GRM5: variants seen among roughly 807,000 people sequenced by gnomAD.
GRM5 encodes the protein metabotropic glutamate receptor 5.
Under a neutral mutation model 83.1 loss-of-function variants are expected in GRM5, and 19 were observed. That is an observed-to-expected ratio of 0.23 (90% CI 0.16 to 0.34). The LOEUF (loss-of-function observed/expected upper bound fraction) is 0.34. Ranked by LOEUF, GRM5 falls within the 10% of genes least tolerant of loss-of-function variation. The pLI is 1.00. For synonymous variants in GRM5, 675 were observed against 633.6 expected, an observed-to-expected ratio of 1.07 and a Z score of -0.98; for missense variants, 1,160 against 1,588.3, an observed-to-expected ratio of 0.73 and a Z score of 4.58.
At position 88,590,639 on chromosome 11, in the gene GRM5, G is replaced by T. The variant is rs781343825; in HGVS notation, c.1652C>A (p.Ala551Glu). 1.2e-6 allele frequency: 2 copies of T among 1,609,366 alleles called. No homozygotes were observed. ...AGTGGGCCAAGACCCCAGTTGGCAT[G>T]CCTTGCATGTGTACTCATCAAAGAC... is the stretch of plus-strand genomic sequence containing the variant. ...EYVFDEYTCK[A>E]CQLGSWPTDD... The change falls in exon 7 of 10, where the codon GCA becomes GAA. Residue 551 changes from alanine (A) to glutamate (E), a missense_variant. This residue lies in a region of GRM5 where 132 missense variants were observed against 245.5 expected (regional missense o/e 0.54). Coordinates refer to ENST00000305447, the MANE Select transcript of GRM5 (RefSeq NM_001143831.3).
intron 3 of GRM5, among the ~76,000 whole-genome samples, chr11:88,693,382 G>T (rs1348280110): frequency 6.6e-6 from 1 of 152,148 alleles, no homozygotes; most frequent in South Asian, 2.1e-4. Flanking sequence ...TTCTGACTGG[G>T]GGCCTGGGAA....
chr11:88,969,899 C>T (rs151320770), intron 2 of GRM5, among the ~76,000 whole-genome samples: 46 of 152,218 alleles, frequency 3.0e-4, no homozygotes, highest in Admixed American at 1.8e-3. Context: ...TTCCCTTAAA[C>T]ACAATATCCA....
chr11:88,510,898 T>G (rs1941351435), intron 9 of GRM5, among the ~76,000 whole-genome samples: 1 of 152,182 alleles, frequency 6.6e-6, no homozygotes, highest in Non-Finnish European at 1.5e-5. Context: ...GTCTGTTATT[T>G]TCAGTCAAGA....
At chr11:88,710,900 G>C (rs1368602546) in intron 3 of GRM5, among the ~76,000 whole-genome samples, 2 of 152,024 alleles carry the variant, frequency 1.3e-5, no homozygotes, top group African/African-American at 2.4e-5. Context: ...AGACTATACA[G>C]GGTGAGTTGG....
chr11:89,061,981 G>C (rs1450602361), intron 1 of GRM5, among the ~76,000 whole-genome samples: 4 of 152,164 alleles, frequency 2.6e-5, no homozygotes, highest in African/African-American at 7.2e-5. Flanking sequence ...TTTAGGAAGT[G>C]CTATGTACAT....
At chr11:88,654,328 G>C (rs1477668520) in intron 3 of GRM5, among the ~76,000 whole-genome samples, 1 of 152,066 alleles carries the variant, frequency 6.6e-6, no homozygotes, top group Non-Finnish European at 1.5e-5. Context: ...GGCATGAAAA[G>C]ATGTTTGTAT....
chr11:88,767,219 A>G (rs1486969935), intron 3 of GRM5, among the ~76,000 whole-genome samples: 1 of 151,930 alleles, frequency 6.6e-6, no homozygotes, highest in Non-Finnish European at 1.5e-5. Flanking sequence ...GGGAACACAT[A>G]TACACTACTA....
At chr11:88,586,805 C>T (rs1381119358) in intron 7 of GRM5, among the ~76,000 whole-genome samples, 1 of 152,122 alleles carries the variant, frequency 6.6e-6, no homozygotes, top group East Asian at 1.9e-4. Flanking sequence ...CTACCCAGAC[C>T]ACCCACACAC....
At position 88,664,929 on chromosome 11, in the gene GRM5, C is replaced by T. The variant is rs149639177; in HGVS notation, c.912-11526G>A. ...ATCCCCCACAGATACTAAGGAAAGA[C>T]TATATGTATGAAACTGAAGTACATA... On this transcript the variant is annotated intron_variant, in intron 3 of 9. Transcript: ENST00000305447. Among the ~76,000 whole-genome samples the T allele has an allele frequency of 4.0e-3, 616 of 152,254 alleles. 2 individuals are homozygous for T. Among genetic ancestry groups the T allele is most frequent in the Middle Eastern group, 0.02 (6 of 294 alleles).
At chr11:88,535,892 A>G (rs897444838) in intron 8 of GRM5, among the ~76,000 whole-genome samples, 1 of 152,222 alleles carries the variant, frequency 6.6e-6, no homozygotes, top group Non-Finnish European at 1.5e-5. Context: ...TACCATTTAT[A>G]TAAAATAAGT....
intron 8 of GRM5, among the ~76,000 whole-genome samples, chr11:88,549,298 CTACAAAAAA>C (rs1942451583): frequency 6.6e-6 from 1 of 151,812 alleles, no homozygotes; most frequent in Non-Finnish European, 1.5e-5. Flanking sequence ...TACCTGGTCT[CTACAAAAAA>C]TACAAAAATT....
At chr11:88,694,100 G>A (rs2135363764) in intron 3 of GRM5, among the ~76,000 whole-genome samples, 1 of 152,288 alleles carries the variant, frequency 6.6e-6, no homozygotes, top group Non-Finnish European at 1.5e-5. Context: ...CCGTTTCATA[G>A]AACTCAATAA....
At chr11:88,930,156 A>G (rs1015991969) in intron 2 of GRM5, among the ~76,000 whole-genome samples, 6 of 152,102 alleles carry the variant, frequency 3.9e-5, no homozygotes, top group African/African-American at 1.4e-4. Context: ...GACCTGTAAT[A>G]CCAATGACTT....
chr11:88,862,324 A>G (rs1381151825), intron 2 of GRM5, among the ~76,000 whole-genome samples: 1 of 152,110 alleles, frequency 6.6e-6, no homozygotes, highest in Non-Finnish European at 1.5e-5. Context: ...TGCTTCCTAC[A>G]TTGTTTTGTT....
chr11:88,877,782 ATGC>A (rs1318710059), intron 2 of GRM5, among the ~76,000 whole-genome samples: 4 of 150,628 alleles, frequency 2.7e-5, no homozygotes, highest in Non-Finnish European at 2.9e-5. Context: ...ATGAGCCAAT[ATGC>A]TGCTGCTGCA....
At chr11:89,061,191 C>T (rs547779897) in intron 1 of GRM5, among the ~76,000 whole-genome samples, 41 of 152,140 alleles carry the variant, frequency 2.7e-4, no homozygotes, top group Admixed American at 1.2e-3. Context: ...CTCACATGTA[C>T]GTATACATAA....
intron 4 of GRM5, among the ~76,000 whole-genome samples, chr11:88,618,174 C>G (rs1348231707): frequency 6.6e-6 from 1 of 152,168 alleles, no homozygotes; most frequent in Admixed American, 6.5e-5. Context: ...TGGGAACTTA[C>G]AGACTAAACT....
chr11:88,898,891 A>G (rs1321353520), intron 2 of GRM5, among the ~76,000 whole-genome samples: 3 of 152,030 alleles, frequency 2.0e-5, no homozygotes, highest in Non-Finnish European at 4.4e-5. Flanking sequence ...CTTATCAAGT[A>G]AAGGACTAAA....
chr11:88,802,564 T>C (rs1021824120), intron 3 of GRM5, among the ~76,000 whole-genome samples: 33 of 152,064 alleles, frequency 2.2e-4, no homozygotes, highest in Non-Finnish European at 3.8e-4. Context: ...TATGACAAAC[T>C]CACAGCCAAT....
Sources: gnomAD v4.1 joint callset for allele counts (sites outside exome capture counted in the v4.1 genomes callset) on GRCh38, gnomAD v4.1.1 for gene constraint, gnomAD v4.1.1 regional missense constraint, MANE v1.5 for transcripts, NCBI Gene and HGNC (gene_info 2026-07-23, HGNC 2026-07-21) for gene names.